The following DNAJB4 variants were observed in gnomAD, a reference collection of about 807,000 sequenced individuals.
DNAJB4 encodes the protein DnaJ heat shock protein family (Hsp40) member B4.
DNAJB4 carries 10 observed loss-of-function variants against 26.6 expected under a neutral mutation model. The ratio of observed to expected loss-of-function variants is 0.38; its 90% CI spans 0.23 to 0.64. DNAJB4 has a LOEUF of 0.64. DNAJB4 is among the 30% of genes least tolerant of loss of function. The probability of loss-of-function intolerance (pLI) is 0.58; values close to 1 mark genes in which losing one functional copy is unlikely to be tolerated. For synonymous variants in DNAJB4, 136 were observed against 134.8 expected, an observed-to-expected ratio of 1.01 and a Z score of -0.06; for missense variants, 328 against 408.2, an observed-to-expected ratio of 0.80 and a Z score of 1.69.
At chr1:78,011,223 A>G (rs1214835998) in intron 1 of DNAJB4, among the ~76,000 whole-genome samples, 2 of 152,162 alleles carry the variant, frequency 1.3e-5, no homozygotes, top group South Asian at 2.1e-4. Context: ...CAAAGGGTCA[A>G]AAAGTCACTA....
At chr1:77,990,598 T>A (rs1452583134) in intron 1 of DNAJB4, among the ~76,000 whole-genome samples, 2 of 152,094 alleles carry the variant, frequency 1.3e-5, no homozygotes, top group African/African-American at 4.8e-5. Flanking sequence ...GATGAAGGGG[T>A]TATTAATAAG....
At chr1:77,993,872 C>T (rs1478957849) in intron 1 of DNAJB4, among the ~76,000 whole-genome samples, 1 of 152,052 alleles carries the variant, frequency 6.6e-6, no homozygotes, top group Non-Finnish European at 1.5e-5. Context: ...ATAGTTCAAG[C>T]TTATGCATTT....
chr1:78,007,906 C>T (rs958273366), intron 1 of DNAJB4, among the ~76,000 whole-genome samples: 1 of 152,110 alleles, frequency 6.6e-6, no homozygotes, highest in African/African-American at 2.4e-5. Context: ...AGTCTTGGGA[C>T]TTAGAGCTGG....
chr1:78,000,220 T>G (rs992061360), upstream of DNAJB4, among the ~76,000 whole-genome samples: 1 of 152,162 alleles, frequency 6.6e-6, no homozygotes, highest in African/African-American at 2.4e-5. Flanking sequence ...GAAAAAAAAT[T>G]TTCAAGTTCA....
At chr1:78,001,949 G>T (rs1443483387), upstream of DNAJB4, among the ~76,000 whole-genome samples, 1 of 152,180 alleles carries the variant, frequency 6.6e-6, no homozygotes, top group Non-Finnish European at 1.5e-5. Flanking sequence ...TGTTAAAAAT[G>T]CAGCATTCTT....
chr1:77,991,126 G>C (rs76196312), intron 1 of DNAJB4, among the ~76,000 whole-genome samples: 1 of 152,114 alleles, frequency 6.6e-6, no homozygotes, highest in Admixed American at 6.5e-5. Flanking sequence ...TAGGTGAAGG[G>C]CTCCTGGAGT....
intron 1 of DNAJB4, among the ~76,000 whole-genome samples, chr1:78,007,311 G>T (rs546984936): frequency 3.9e-5 from 6 of 152,300 alleles, no homozygotes; most frequent in Admixed American, 1.3e-4. Flanking sequence ...GCCAGGCGCC[G>T]TGGCTCATGC....
chr1:77,997,315 A>C (rs1295559975), intron 1 of DNAJB4, among the ~76,000 whole-genome samples: 9 of 107,812 alleles, frequency 8.3e-5, no homozygotes, highest in Admixed American at 6.8e-4. Flanking sequence ...CTGTCTCTAC[A>C]AAAAAAAAAA....
At position 78,013,172 on chromosome 1, in the gene DNAJB4, C is replaced by A. The variant is rs775364732; in HGVS notation, c.333C>A (p.Phe111Leu). 6.2e-7 allele frequency: 1 copy of A among 1,614,094 alleles called. No individual in the cohort carries two copies. The highest frequency in any genetic ancestry group is 1.3e-5 in the African/African-American group (1 of 75,008). ...GAGGGTCCAACCCCTTTGAAATTTTCTTTGGAAGACGAATGGGTGGTGGTA... is the reference window on the plus strand; with the variant it reads ...GAGGGTCCAACCCCTTTGAAATTTTATTTGGAAGACGAATGGGTGGTGGTA... ...FFGGSNPFEI[F>L]FGRRMGGGRD... The change falls in exon 2 of 3, where the codon TTC becomes TTA. Residue 111 changes from phenylalanine to leucine, a missense_variant. Coordinates refer to ENST00000370763, the MANE Select transcript of DNAJB4 (RefSeq NM_007034.5).
At chr1:77,999,029 T>C (rs1242215699) in intron 1 of DNAJB4, among the ~76,000 whole-genome samples, 2 of 152,204 alleles carry the variant, frequency 1.3e-5, no homozygotes, top group Non-Finnish European at 2.9e-5. Flanking sequence ...GGGTCTGAGT[T>C]GCAAACTTAC....
rs187555085 is a variant in DNAJB4 at position 77,984,667 on chromosome 1, C to T, written c.-32+4345C>T. Among the ~76,000 whole-genome samples the T allele has an allele frequency of 4.6e-5, 7 of 152,178 alleles. No individual in the cohort carries two copies. The East Asian group carries it at 5.8e-4, about 13-fold the overall frequency. ...ATAAAAGAGGGCTTGTCAAGGACCG[C>T]GTCTTATTCTTTGGTTTGCCCAGTA... On this transcript the variant is annotated intron_variant, in intron 1 of 2. Coordinates refer to the DNAJB4 transcript ENST00000426517.
chr1:77,990,548 G>A (rs1659908003), intron 1 of DNAJB4, among the ~76,000 whole-genome samples: 1 of 152,220 alleles, frequency 6.6e-6, no homozygotes, highest in Non-Finnish European at 1.5e-5. Flanking sequence ...TAGGAATGCA[G>A]TCTTATGCAG....
At chr1:78,004,580 C>T (rs894242556), upstream of DNAJB4, 10 of 152,284 alleles carry the variant, frequency 6.6e-5, no homozygotes, top group Non-Finnish European at 4.4e-5. Flanking sequence ...TTCCTTTTAT[C>T]TGTATATTAA....
chr1:77,995,240 A>T (rs1198410408), intron 1 of DNAJB4, among the ~76,000 whole-genome samples: 1 of 152,246 alleles, frequency 6.6e-6, no homozygotes, highest in East Asian at 1.9e-4. Flanking sequence ...CATTATTAAA[A>T]TTAATTTCAC....
chr1:78,007,612 T>C (rs533220910), intron 1 of DNAJB4, among the ~76,000 whole-genome samples: 2 of 152,196 alleles, frequency 1.3e-5, no homozygotes, highest in African/African-American at 4.8e-5. Flanking sequence ...GAAAATACAA[T>C]TGAATGAAAG....
Position 77,995,513 on chromosome 1 carries a change from C to T in DNAJB4, c.-31-9567C>T, listed in dbSNP as rs568770822. Among the ~76,000 whole-genome samples, 8 of 152,300 alleles carry T rather than the reference C, an allele frequency of 5.3e-5. No homozygotes were observed. The East Asian group carries it at 1.2e-3, about 22-fold the overall frequency. ...GCCCAGGCTTGAAGTGCAGTGGTGT[C>T]GTGATCATGGCTTATTGCAGCCTCA... On this transcript the variant is annotated intron_variant, in intron 1 of 2. Coordinates refer to the DNAJB4 transcript ENST00000426517.
chr1:78,009,626 T>C (rs1381667236), intron 1 of DNAJB4, among the ~76,000 whole-genome samples: 1 of 152,238 alleles, frequency 6.6e-6, no homozygotes, highest in African/African-American at 2.4e-5. Flanking sequence ...AATGTGACAT[T>C]ACTTATAATT....
Position 78,013,634 on chromosome 1 carries a change from C to T in DNAJB4, c.780+15C>T. On this transcript the variant is annotated intron_variant, in intron 2 of 2. Coordinates refer to ENST00000370763, the MANE Select transcript of DNAJB4 (RefSeq NM_007034.5). ...GTTTACGAGAGGTAAGTTGGTAGGA[C>T]CTAAAATCCTAAGACCAAATAATTA... The T allele has an allele frequency of 6.5e-7, 1 of 1,532,544 alleles. No homozygotes were observed. The highest frequency in any genetic ancestry group is 8.7e-7 in the Non-Finnish European group (1 of 1,144,176). The allele number at this position is 1,532,544 out of a possible 1,614,324, so 94.9% of individuals were successfully genotyped here. A position where few individuals can be genotyped will look rare whatever the true frequency, so the allele number is the denominator to read the frequency against.
At chr1:78,001,724 CATT>C (rs1660199793), upstream of DNAJB4, among the ~76,000 whole-genome samples, 1 of 152,092 alleles carries the variant, frequency 6.6e-6, no homozygotes, top group Admixed American at 6.6e-5. Flanking sequence ...GATAAGGTCT[CATT>C]ATGTTGCCCA....
Sources: allele counts gnomAD v4.1 joint callset (sites outside exome capture counted in the v4.1 genomes callset), GRCh38; gene constraint gnomAD v4.1.1; transcripts MANE v1.5; gene names NCBI Gene and HGNC (gene_info 2026-07-23, HGNC 2026-07-21).